STARD9: variants seen among roughly 807,000 people sequenced by gnomAD.
STARD9 encodes the protein StAR related lipid transfer domain containing 9.
Under a neutral mutation model 399.8 loss-of-function variants are expected in STARD9, and 346 were observed. That is an observed-to-expected ratio of 0.87 (90% CI 0.79 to 0.95). STARD9 has a LOEUF of 0.95. Ranked by LOEUF, STARD9 falls within the 40% of genes least tolerant of loss-of-function variation. STARD9 has a pLI of 0.00. For missense variants in STARD9, 5,832 were observed against 5,667.5 expected (o/e 1.03, Z -0.93); for synonymous variants, 2,203 against 2,143.5 (o/e 1.03, Z -0.77).
intron 7 of STARD9, among the ~76,000 whole-genome samples, chr15:42,649,429 G>A (rs956684883): frequency 2.2e-4 from 34 of 152,112 alleles, no homozygotes; most frequent in Admixed American, 1.4e-3. Context: ...TGTCTAACCT[G>A]CTATTAAACT....
intron 3 of STARD9, among the ~76,000 whole-genome samples, chr15:42,593,948 G>A (rs1271255474): frequency 5.9e-5 from 9 of 151,910 alleles, no homozygotes; most frequent in Non-Finnish European, 1.2e-4. Flanking sequence ...GATTACAGGC[G>A]TGAGCCACCG....
At chr15:42,596,675 C>T (rs1203938155) in intron 3 of STARD9, among the ~76,000 whole-genome samples, 1 of 152,150 alleles carries the variant, frequency 6.6e-6, no homozygotes, top group Admixed American at 6.6e-5. Flanking sequence ...CAACAAAAGG[C>T]TCCTTCTAAA....
chr15:42,676,063 T>A, intron 20 of STARD9, 88 bp downstream of exon 20: 1 of 666,382 alleles, frequency 1.5e-6, no homozygotes, highest in Non-Finnish European at 2.5e-6. Context: ...GGGTGGGGGG[T>A]GATTAATGTA....
Position 42,602,524 on chromosome 15 carries a change from C to T in STARD9, c.234+16887C>T, listed in dbSNP as rs911015904. On this transcript the variant is annotated intron_variant, in intron 3 of 32. Coordinates refer to ENST00000290607, the MANE Select transcript of STARD9 (RefSeq NM_020759.3). ...TATGGGAGCAGGCTGAGCACTGACT[C>T]AAGGGATCAGATACAGAATCTCCTT... Among the ~76,000 whole-genome samples the T allele has an allele frequency of 2.0e-5, 3 of 152,174 alleles. No individual in the cohort carries two copies. In the South Asian group the frequency reaches 6.2e-4, roughly 32 times the overall value.
At chr15:42,678,813 A>T (rs979978868) in intron 20 of STARD9, among the ~76,000 whole-genome samples, 2 of 152,220 alleles carry the variant, frequency 1.3e-5, no homozygotes, top group Non-Finnish European at 2.9e-5. Context: ...GCCCTTTGTA[A>T]TCTAGCCAGA....
At chr15:42,707,060 A>C (rs2061103867) in intron 26 of STARD9, among the ~76,000 whole-genome samples, 1 of 152,220 alleles carries the variant, frequency 6.6e-6, no homozygotes, top group African/African-American at 2.4e-5. Context: ...TTCACAATAT[A>C]TTCCTTAGGT....
intron 7 of STARD9, among the ~76,000 whole-genome samples, chr15:42,642,237 C>T (rs1345191790): frequency 6.6e-6 from 1 of 152,014 alleles, no homozygotes. Context: ...AAATATAAGC[C>T]CTTAAAGAAC....
rs58884115 is a variant in STARD9, at chr15:42,591,487, TA to T, written c.234+5866del. ...AGGGCAACAGAGCAAGAGTCCATCT[TA>T]AAAAAAAAAAAAAAATGTCTGGACA... On this transcript the variant is annotated intron_variant, in intron 3 of 32. Transcript: ENST00000290607. 5.5e-3 allele frequency among the ~76,000 whole-genome samples: 752 copies of T among 135,620 alleles called. 2 individuals are homozygous for T. The highest frequency in any genetic ancestry group is 0.015 in the East Asian group (72 of 4,712). 89.0% of individuals were successfully genotyped at this position (135,620 alleles called of 152,430 possible).
intron 18 of STARD9, chr15:42,675,427 T>C (rs1345007742): frequency 1.9e-6 from 1 of 534,320 alleles, no homozygotes; most frequent in African/African-American, 1.9e-5. Context: ...AAGTGTTCCC[T>C]GACTACTCCA....
chr15:42,720,241 A>C lies in STARD9; in HGVS notation c.*667A>C, dbSNP rs2061427429. On this transcript the variant is annotated 3_prime_UTR_variant, in exon 33 of 33. Transcript: ENST00000290607. Reference sequence around the variant, plus strand: ...GGGTGTTGAGCGATGATGCTCTGATATGGAGCTGTCACTCTAGAGCTCGGT... The same window carrying C: ...GGGTGTTGAGCGATGATGCTCTGATCTGGAGCTGTCACTCTAGAGCTCGGT... 1 of 152,246 alleles carries C rather than the reference A, an allele frequency of 6.6e-6. No individual in the cohort carries two copies. Among genetic ancestry groups the C allele is most frequent in the African/African-American group, 2.4e-5 (1 of 41,410 alleles). 9.4% of individuals were successfully genotyped at this position (152,246 alleles called of 1,614,324 possible).
intron 3 of STARD9, among the ~76,000 whole-genome samples, chr15:42,587,801 G>A (rs945052472): frequency 2.6e-5 from 4 of 152,138 alleles, no homozygotes; most frequent in African/African-American, 9.7e-5. Flanking sequence ...CCGACCTCAG[G>A]TGATCCGCTC....
chr15:42,687,179 A>C lies in STARD9; in HGVS notation c.5601A>C (p.Glu1867Asp), dbSNP rs1372610298. 6.5e-7 allele frequency: 1 copy of C among 1,537,430 alleles called. No homozygotes were observed. Among genetic ancestry groups the C allele is most frequent in the Non-Finnish European group, 8.7e-7 (1 of 1,146,958 alleles). The change falls in exon 23 of 33, where the codon GAA (glutamate) becomes GAC (aspartate). Residue 1867 changes from glutamate (E) to aspartate (D), a missense_variant. Glu to Asp is a conservative substitution (Grantham distance 45, BLOSUM62 2). Coordinates refer to ENST00000290607, the MANE Select transcript of STARD9 (RefSeq NM_020759.3). ...CCTCTACCAGCACAAAAGTATGTGA[A>C]TTTGAAAACCAAGTTGTAATTTTAA... ...FLPSTSTKVC[E>D]FENQVVILNK...
intron 13 of STARD9, 89 bp downstream of exon 13, chr15:42,664,006 C>T (rs1257077666): frequency 2.4e-6 from 2 of 849,812 alleles, no homozygotes; most frequent in Middle Eastern, 2.8e-4. Flanking sequence ...TCTCTTTGTA[C>T]TCACCTCAAC....
At position 42,684,403 on chromosome 15, in the gene STARD9, A is replaced by T; in HGVS notation, c.2825A>T (p.His942Leu). Residue 942 changes from histidine to leucine, a missense_variant, in exon 23 of 33, where the codon CAT becomes CTT. By Grantham distance (99) the His-to-Leu change is moderately conservative. Around this residue, in one of 2 missense-constraint regions of STARD9, gnomAD observed 5,828 missense variants for 5,651.1 expected, o/e 1.03. Transcript: ENST00000290607. The stretch of plus-strand genomic sequence containing the variant: ...ATGGAGATGGGGGTTAAGCAGCCCC[A>T]TCAGATGGTGAGCCAGGGCTTAGCA... ...QEMEMGVKQP[H>L]QMVSQGLASL... 1 of 1,537,214 alleles carries T rather than the reference A, an allele frequency of 6.5e-7. No homozygotes were observed. The highest frequency in any genetic ancestry group is 8.7e-7 in the Non-Finnish European group (1 of 1,146,918).
chr15:42,716,758 G>C lies in STARD9; in HGVS notation c.13366G>C (p.Ala4456Pro), dbSNP rs1206860992. ...GGHSAVRKNS[A>P]YSHRASLGSC... ...CCATTCTGCAGTGAGGAAGAACTCTGCCTACAGTGAGTTGCGGGGAGTGTT... is the reference window on the plus strand; with the variant it reads ...CCATTCTGCAGTGAGGAAGAACTCTCCCTACAGTGAGTTGCGGGGAGTGTT... The change falls in exon 27 of 33, where the codon GCC (alanine) becomes CCC (proline). Residue 4456 changes from alanine to proline, a missense_variant. By Grantham distance (27) the Ala-to-Pro change is conservative. This residue lies in a region of STARD9 where 5,828 missense variants were observed against 5,651.1 expected (regional missense o/e 1.03). Transcript: ENST00000290607. 6.5e-7 allele frequency: 1 copy of C among 1,536,524 alleles called. No individual in the cohort carries two copies. Among genetic ancestry groups the C allele is most frequent in the East Asian group, 2.4e-5 (1 of 40,918 alleles).
At chr15:42,586,342 G>A (rs2058276856) in intron 3 of STARD9, among the ~76,000 whole-genome samples, 1 of 152,210 alleles carries the variant, frequency 6.6e-6, no homozygotes, top group African/African-American at 2.4e-5. Flanking sequence ...TGCTGTTTGA[G>A]CAGCCAAGGC....
At chr15:42,661,807 T>C (rs1009310314) in intron 10 of STARD9, among the ~76,000 whole-genome samples, 3 of 151,942 alleles carry the variant, frequency 2.0e-5, no homozygotes, top group African/African-American at 4.8e-5. Flanking sequence ...ATCAATCAGA[T>C]TATTAGGAGG....
intron 9 of STARD9, among the ~76,000 whole-genome samples, chr15:42,654,281 G>C (rs1207207267): frequency 6.6e-6 from 1 of 152,118 alleles, no homozygotes; most frequent in African/African-American, 2.4e-5. Context: ...AGTGTGAATT[G>C]CCTAAGGTAC....
At chr15:42,705,634 G>A (rs903065253) in intron 26 of STARD9, among the ~76,000 whole-genome samples, 13 of 151,990 alleles carry the variant, frequency 8.6e-5, no homozygotes, top group Admixed American at 6.6e-5. Context: ...TAGAGATGGG[G>A]TTTTCAGTGT....
Sources: gnomAD v4.1 joint callset for allele counts (sites outside exome capture counted in the v4.1 genomes callset) on GRCh38, gnomAD v4.1.1 for gene constraint, gnomAD v4.1.1 regional missense constraint, MANE v1.5 for transcripts, NCBI Gene and HGNC (gene_info 2026-07-23, HGNC 2026-07-21) for gene names.